Variants in SPAG16 observed in about 807,000 individuals in gnomAD.
The protein encoded by SPAG16 is sperm-associated antigen 16 protein.
Under a neutral mutation model 80.4 loss-of-function variants are expected in SPAG16, and 86 were observed. The observed-to-expected ratio is 1.07, with a 90% CI of 0.90 to 1.28. The LOEUF (loss-of-function observed/expected upper bound fraction) is 1.28. Among genes scored for constraint, SPAG16 ranks in the 50% most tolerant of loss-of-function variants. The probability of loss-of-function intolerance (pLI) is 0.00; values close to 1 mark genes in which losing one functional copy is unlikely to be tolerated. For missense variants in SPAG16, 870 were observed against 765.3 expected, an observed-to-expected ratio of 1.14 and a Z score of -1.61; for synonymous variants, 294 against 265.9, an observed-to-expected ratio of 1.11 and a Z score of -1.03.
intron 15 of SPAG16, among the ~76,000 whole-genome samples, chr2:214,207,553 A>G (rs764487755): frequency 6.6e-6 from 1 of 152,024 alleles, no homozygotes; most frequent in East Asian, 1.9e-4. Flanking sequence ...TTGATTTCTC[A>G]TGCTTATTTC....
chr2:213,635,503 A>C (rs2062327511), intron 10 of SPAG16, among the ~76,000 whole-genome samples: 1 of 152,112 alleles, frequency 6.6e-6, no homozygotes, highest in Non-Finnish European at 1.5e-5. Context: ...TGTTTTCCAT[A>C]CTGGTTGTAC....
intron 14 of SPAG16, among the ~76,000 whole-genome samples, 166 bp downstream of exon 14, chr2:214,108,427 G>C (rs1051662104): frequency 2.8e-5 from 4 of 143,024 alleles, no homozygotes; most frequent in African/African-American, 5.1e-5. Context: ...TAGGGTTGCA[G>C]AATTTTAAAA....
intron 11 of SPAG16, among the ~76,000 whole-genome samples, chr2:213,917,557 G>A (rs1012647636): frequency 2.6e-5 from 4 of 152,036 alleles, no homozygotes; most frequent in South Asian, 2.1e-4. Flanking sequence ...GACTGTATTC[G>A]TGATTTCACT....
At chr2:214,218,481 G>A (rs1031116694) in intron 15 of SPAG16, among the ~76,000 whole-genome samples, 2 of 152,196 alleles carry the variant, frequency 1.3e-5, no homozygotes, top group East Asian at 3.9e-4. Flanking sequence ...CTGATTGCCT[G>A]TCCATTGCCC....
At chr2:214,155,781 C>T (rs1392759760) in intron 15 of SPAG16, among the ~76,000 whole-genome samples, 1 of 152,140 alleles carries the variant, frequency 6.6e-6, no homozygotes, top group Non-Finnish European at 1.5e-5. Context: ...TTTTGAACCA[C>T]CGTGTTGGCT....
At chr2:213,413,252 T>C (rs900794150) in intron 9 of SPAG16, among the ~76,000 whole-genome samples, 3 of 152,158 alleles carry the variant, frequency 2.0e-5, no homozygotes, top group African/African-American at 7.2e-5. Flanking sequence ...TAAAAACTAA[T>C]CCTAAGTGTT....
chr2:213,520,172 G>C (rs2075605156), intron 10 of SPAG16, among the ~76,000 whole-genome samples: 1 of 152,012 alleles, frequency 6.6e-6, no homozygotes, highest in Non-Finnish European at 1.5e-5. Context: ...GAATGACCAG[G>C]ACTATTGGCA....
intron 1 of SPAG16, among the ~76,000 whole-genome samples, chr2:213,287,729 C>A (rs952747502): frequency 1.6e-4 from 25 of 152,128 alleles, no homozygotes; most frequent in African/African-American, 5.6e-4. Context: ...TGAAGCTAAT[C>A]AGCTCTGAAT....
At chr2:214,260,208 C>T (rs918355) in intron 15 of SPAG16, among the ~76,000 whole-genome samples, 21,496 of 152,026 alleles carry the variant, frequency 0.14, 1,696 homozygotes, top group African/African-American at 0.22. Context: ...AAAGACTATA[C>T]ATTGGGTACA....
At chr2:214,227,702 A>G (rs62196176) in intron 15 of SPAG16, among the ~76,000 whole-genome samples, 44 of 145,766 alleles carry the variant, frequency 3.0e-4, no homozygotes, top group South Asian at 8.9e-4. Context: ...TGGAAGGTGT[A>G]TGTGTGTGTG....
intron 10 of SPAG16, among the ~76,000 whole-genome samples, chr2:213,823,190 A>C (rs1255573738): frequency 6.6e-6 from 1 of 152,184 alleles, no homozygotes; most frequent in Admixed American, 6.5e-5. Context: ...ATTCCCACCA[A>C]AAGTGTAAAA....
intron 15 of SPAG16, among the ~76,000 whole-genome samples, chr2:214,256,884 T>G (rs1255277000): frequency 6.6e-6 from 1 of 152,026 alleles, no homozygotes; most frequent in Non-Finnish European, 1.5e-5. Flanking sequence ...TTTTCAAGAT[T>G]CTTTTACCTA....
chr2:213,315,010 A>G (rs2063342263), intron 4 of SPAG16, among the ~76,000 whole-genome samples: 1 of 151,910 alleles, frequency 6.6e-6, no homozygotes, highest in Non-Finnish European at 1.5e-5. Flanking sequence ...ATAACACAAA[A>G]TATGTGACTT....
chr2:214,288,307 A>T (rs577573606), intron 15 of SPAG16, among the ~76,000 whole-genome samples: 40 of 152,284 alleles, frequency 2.6e-4, no homozygotes, highest in African/African-American at 8.7e-4. Context: ...CTGTATTTTT[A>T]AAAAATCCAC....
chr2:214,395,214 G>T (rs558363069), intron 15 of SPAG16, among the ~76,000 whole-genome samples: 6 of 152,138 alleles, frequency 3.9e-5, no homozygotes, highest in African/African-American at 1.4e-4. Context: ...ACCTCTTTGG[G>T]TAAATACAAA....
intron 11 of SPAG16, among the ~76,000 whole-genome samples, chr2:213,904,622 CAA>C (rs1285773986): frequency 2.7e-5 from 2 of 72,990 alleles, no homozygotes; most frequent in Admixed American, 1.3e-4. Flanking sequence ...AAAAAAAAAA[CAA>C]AGTAGGTAAA....
At chr2:213,334,756 C>G (rs892659687) in intron 5 of SPAG16, among the ~76,000 whole-genome samples, 1 of 151,994 alleles carries the variant, frequency 6.6e-6, no homozygotes, top group Non-Finnish European at 1.5e-5. Context: ...GAAATCAAAA[C>G]AATTGAACTA....
chr2:213,390,806 A>G (rs562376451), intron 9 of SPAG16, among the ~76,000 whole-genome samples: 2 of 151,752 alleles, frequency 1.3e-5, no homozygotes, highest in East Asian at 1.9e-4. Flanking sequence ...ATTTAATTTT[A>G]TGTTTATTAA....
chr2:213,814,337 G>A (rs1288438622), intron 10 of SPAG16, among the ~76,000 whole-genome samples: 1 of 152,126 alleles, frequency 6.6e-6, no homozygotes, highest in African/African-American at 2.4e-5. Context: ...TTTACTCAAT[G>A]TCTACCAATT....
Sources: allele counts gnomAD v4.1 joint callset (sites outside exome capture counted in the v4.1 genomes callset), GRCh38; gene constraint gnomAD v4.1.1; transcripts MANE v1.5; gene names NCBI Gene and HGNC (gene_info 2026-07-23, HGNC 2026-07-21).